Variants in ATP9B observed in about 807,000 individuals in gnomAD.
ATP9B encodes the protein probable phospholipid-transporting ATPase IIB.
A neutral mutation model predicts 146.1 loss-of-function variants in ATP9B; 110 were observed. That is an observed-to-expected ratio of 0.75 (90% CI 0.65 to 0.88). The LOEUF (loss-of-function observed/expected upper bound fraction) is 0.88, where lower values mean the gene tolerates loss of function less well. Ranked by LOEUF, ATP9B falls within the 40% of genes least tolerant of loss-of-function variation. ATP9B has a pLI of 0.00. For synonymous variants in ATP9B, 604 were observed against 569.7 expected (o/e 1.06, Z -0.86); for missense variants, 1,499 against 1,496.4 (o/e 1.00, Z -0.03).
intron 7 of ATP9B, among the ~76,000 whole-genome samples, chr18:79,166,480 A>G (rs2094967247): frequency 6.6e-6 from 1 of 152,194 alleles, no homozygotes. Context: ...GAGTCCTACA[A>G]TGCTGAGCTT....
intron 4 of ATP9B, chr18:79,115,897 CA>C (rs1432478076): frequency 6.3e-5 from 4 of 63,178 alleles, no homozygotes; most frequent in Admixed American, 3.2e-4. Context: ...AAAGCAATGG[CA>C]ACAAAAGCCA....
intron 26 of ATP9B, among the ~76,000 whole-genome samples, chr18:79,367,684 G>A (rs2097042523): frequency 6.6e-6 from 1 of 152,270 alleles, no homozygotes. Flanking sequence ...CAAGGGAAGT[G>A]GAACTCCAGG....
At chr18:79,342,648 CACAT>C (rs1471788617) in intron 20 of ATP9B, among the ~76,000 whole-genome samples, 2 of 151,602 alleles carry the variant, frequency 1.3e-5, no homozygotes, top group African/African-American at 2.4e-5. Context: ...TATTTTTAGC[CACAT>C]ACATTAATCA....
chr18:79,209,948 T>A (rs1257571111), intron 10 of ATP9B, among the ~76,000 whole-genome samples: 1 of 152,202 alleles, frequency 6.6e-6, no homozygotes, highest in Non-Finnish European at 1.5e-5. Context: ...TGAGAATTCC[T>A]TTTACTCTTA....
In ATP9B at chr18:79,193,156, A is replaced by G. The variant is rs781378461; in HGVS notation, c.874-27A>G. The stretch of plus-strand genomic sequence containing the variant: ...TAATTTTACTAAACTATAACATTCT[A>G]ATCGATTCAAATGTTCTGTATTCCA... On this transcript the variant is annotated intron_variant, in intron 8 of 29. Transcript: ENST00000426216. 55 of 1,500,576 alleles carry G rather than the reference A, an allele frequency of 3.7e-5. No homozygotes were observed. The South Asian group carries it at 6.0e-4, about 16-fold the overall frequency. The allele number at this position is 1,500,576 out of a possible 1,614,324, so 93.0% of individuals were successfully genotyped here.
At chr18:79,289,635 C>G (rs1382546863) in intron 13 of ATP9B, among the ~76,000 whole-genome samples, 2 of 152,218 alleles carry the variant, frequency 1.3e-5, no homozygotes, top group Non-Finnish European at 1.5e-5. Flanking sequence ...CTCCGTCCAG[C>G]TTTGTTCTGT....
intron 12 of ATP9B, among the ~76,000 whole-genome samples, chr18:79,260,146 G>A (rs12458332): frequency 0.17 from 25,289 of 152,082 alleles, 2,809 homozygotes; most frequent in African/African-American, 0.31. Flanking sequence ...GGTAATTGAT[G>A]AACAAAGGAG....
intron 11 of ATP9B, among the ~76,000 whole-genome samples, chr18:79,238,092 A>G (rs544591726): frequency 6.6e-6 from 1 of 152,326 alleles, no homozygotes; most frequent in Admixed American, 6.5e-5. Context: ...ATGTATTTTT[A>G]TTTTTAAAAG....
chr18:79,232,359 T>C (rs1474794969), intron 11 of ATP9B, among the ~76,000 whole-genome samples: 1 of 152,230 alleles, frequency 6.6e-6, no homozygotes, highest in Non-Finnish European at 1.5e-5. Flanking sequence ...ATGAGTTCTC[T>C]GTGAAAGAGC....
chr18:79,148,495 A>G (rs1296763057), intron 6 of ATP9B, among the ~76,000 whole-genome samples: 1 of 152,232 alleles, frequency 6.6e-6, no homozygotes, highest in Non-Finnish European at 1.5e-5. Flanking sequence ...ATAAAGAAAA[A>G]TCACACAATC....
In ATP9B at chr18:79,359,486, T is replaced by G. The variant is rs373614942; in HGVS notation, c.3012+24T>G. 4 of 1,563,980 alleles carry G rather than the reference T, an allele frequency of 2.6e-6. No homozygotes were observed. The African/African-American group carries it at 5.4e-5, about 21-fold the overall frequency. ...AGGTACGGGCCTCAGGCAAGCTGTC[T>G]GCCTCACGACTAGCACCCACATCTA... On this transcript the variant is annotated intron_variant, in intron 26 of 29. Transcript: ENST00000426216.
At chr18:79,244,507 C>T (rs1360672379) in intron 11 of ATP9B, among the ~76,000 whole-genome samples, 3 of 152,012 alleles carry the variant, frequency 2.0e-5, no homozygotes, top group African/African-American at 7.2e-5. Context: ...TTGGGAATTT[C>T]GGAATACTGT....
At chr18:79,287,481 A>G (rs2096456888) in intron 13 of ATP9B, among the ~76,000 whole-genome samples, 1 of 151,928 alleles carries the variant, frequency 6.6e-6, no homozygotes. Flanking sequence ...ATCATTTTTT[A>G]TTGCGTCTAT....
chr18:79,339,586 C>A (rs1451771255), intron 19 of ATP9B, among the ~76,000 whole-genome samples: 1 of 149,796 alleles, frequency 6.7e-6, no homozygotes, highest in African/African-American at 2.5e-5. Flanking sequence ...GGAAGTATAT[C>A]ATGATTGCAG....
At chr18:79,372,755 T>G (rs2271392) in intron 26 of ATP9B, 70 bp from the exon 27 acceptor site, 272,780 of 996,482 alleles carry the variant, frequency 0.27, 40,406 homozygotes, top group East Asian at 0.5. Context: ...GACCCATAGC[T>G]CACTCCTGGA....
intron 11 of ATP9B, among the ~76,000 whole-genome samples, chr18:79,225,912 C>T (rs2095729071): frequency 6.6e-6 from 1 of 151,788 alleles, no homozygotes; most frequent in African/African-American, 2.4e-5. Flanking sequence ...AGTTGCAGGG[C>T]GGCCACTGTC....
In ATP9B at chr18:79,098,107, T is replaced by C. The variant is rs1313824409; in HGVS notation, c.293+1458T>C. ...CCACATACCTACAACTATCTGATCT[T>C]TGACAAACCTGAGAAAAACAAGCAA... On this transcript the variant is annotated intron_variant, in intron 2 of 29. Transcript: ENST00000426216. Among the ~76,000 whole-genome samples the C allele has an allele frequency of 3.3e-5, 5 of 151,686 alleles. No homozygotes were observed. In the East Asian group the frequency reaches 5.8e-4, roughly 18 times the overall value.
intron 13 of ATP9B, among the ~76,000 whole-genome samples, chr18:79,297,233 C>G (rs1260990212): frequency 2.3e-5 from 3 of 130,278 alleles, no homozygotes; most frequent in Non-Finnish European, 4.7e-5. Context: ...GAGAGATGAC[C>G]CAGAGAGGAG....
Position 79,359,393 on chromosome 18 carries a change from A to C in ATP9B, c.2943A>C (p.Leu981Phe), listed in dbSNP as rs776650462. 3.1e-6 allele frequency: 5 copies of C among 1,613,838 alleles called. No individual in the cohort carries two copies. The highest frequency in any genetic ancestry group is 4.2e-6 in the Non-Finnish European group (5 of 1,179,912). Residue 981 changes from leucine (L) to phenylalanine (F), a missense_variant, in exon 26 of 30, where the codon TTA (leucine) becomes TTC (phenylalanine). Leu to Phe is a conservative substitution (Grantham distance 22, BLOSUM62 0). Coordinates refer to ENST00000426216, the MANE Select transcript of ATP9B (RefSeq NM_198531.5). ...TIYTMFPVFS[L>F]VLDQDVKPEM... is the part of the protein sequence containing the mutation. Reference sequence around the variant, plus strand: ...ACACCATGTTCCCAGTGTTCTCCTTAGTGCTGGACCAGGACGTGAAGCCAG... The same window carrying C: ...ACACCATGTTCCCAGTGTTCTCCTTCGTGCTGGACCAGGACGTGAAGCCAG...
Sources: allele counts gnomAD v4.1 joint callset (sites outside exome capture counted in the v4.1 genomes callset), GRCh38; gene constraint gnomAD v4.1.1; transcripts MANE v1.5; gene names NCBI Gene and HGNC (gene_info 2026-07-23, HGNC 2026-07-21).